PTPRT: variants seen among roughly 807,000 people sequenced by gnomAD.
The protein encoded by PTPRT is receptor-type tyrosine-protein phosphatase T.
A neutral mutation model predicts 176.8 loss-of-function variants in PTPRT; 56 were observed. The observed-to-expected ratio is 0.32, with a 90% CI of 0.26 to 0.40. PTPRT has a LOEUF of 0.40. Among genes scored for constraint, PTPRT ranks in the 10% least tolerant of loss-of-function variants. The probability of loss-of-function intolerance (pLI) is 1.00; values close to 1 mark genes in which losing one functional copy is unlikely to be tolerated. For synonymous variants in PTPRT, 783 were observed against 739.0 expected (o/e 1.06, Z -0.96); for missense variants, 1,540 against 1,908.2 (o/e 0.81, Z 3.60).
intron 16 of PTPRT, among the ~76,000 whole-genome samples, chr20:42,179,920 A>C (rs780902451): frequency 9.2e-5 from 14 of 152,226 alleles, no homozygotes; most frequent in Non-Finnish European, 1.9e-4. Context: ...GCAATGGGCA[A>C]GAAGATGCAG....
At chr20:42,387,951 C>G (rs569656942) in intron 9 of PTPRT, among the ~76,000 whole-genome samples, 4 of 152,158 alleles carry the variant, frequency 2.6e-5, no homozygotes, top group Non-Finnish European at 1.5e-5. Context: ...ACCACTAAGT[C>G]CAGCTATTTT....
intron 7 of PTPRT, among the ~76,000 whole-genome samples, chr20:42,555,376 G>A (rs956371629): frequency 6.6e-6 from 1 of 152,140 alleles, no homozygotes; most frequent in African/African-American, 2.4e-5. Context: ...GGGCGGCCAG[G>A]TGCAGATAGA....
intron 2 of PTPRT, among the ~76,000 whole-genome samples, chr20:42,838,862 G>A (rs1362052511): frequency 6.6e-6 from 1 of 152,136 alleles, no homozygotes; most frequent in African/African-American, 2.4e-5. Context: ...TCCTTCCTAG[G>A]GGAACCTCTG....
At chr20:42,394,394 G>A (rs1414655561) in intron 9 of PTPRT, among the ~76,000 whole-genome samples, 1 of 152,136 alleles carries the variant, frequency 6.6e-6, no homozygotes, top group South Asian at 2.1e-4. Flanking sequence ...AATTTACATT[G>A]TGCATCTGGG....
chr20:42,142,504 T>A (rs1178557859), intron 17 of PTPRT, among the ~76,000 whole-genome samples: 3 of 152,202 alleles, frequency 2.0e-5, no homozygotes, highest in South Asian at 2.1e-4. Context: ...TTATTTCAGA[T>A]TATACACTCT....
chr20:42,163,476 T>C (rs990568485), intron 16 of PTPRT, among the ~76,000 whole-genome samples: 7 of 152,250 alleles, frequency 4.6e-5, no homozygotes, highest in African/African-American at 1.4e-4. Flanking sequence ...ATTGCTTAAA[T>C]GTACCACTTG....
intron 1 of PTPRT, among the ~76,000 whole-genome samples, chr20:43,151,788 G>A (rs929456482): frequency 7.2e-5 from 11 of 152,052 alleles, no homozygotes; most frequent in South Asian, 4.2e-4. Context: ...ACTTGAACCC[G>A]GGAGGCAGAG....
At chr20:42,173,084 T>C (rs1299752589) in intron 16 of PTPRT, among the ~76,000 whole-genome samples, 1 of 152,196 alleles carries the variant, frequency 6.6e-6, no homozygotes, top group Non-Finnish European at 1.5e-5. Flanking sequence ...CTTGCTCTTG[T>C]GATCTACAAG....
chr20:42,275,133 A>G (rs2057007754), intron 13 of PTPRT, among the ~76,000 whole-genome samples: 1 of 152,230 alleles, frequency 6.6e-6, no homozygotes, highest in African/African-American at 2.4e-5. Flanking sequence ...CTGTCATCAC[A>G]CTGAAACCTT....
chr20:42,527,021 T>A (rs1166803770), intron 7 of PTPRT, among the ~76,000 whole-genome samples: 1 of 141,928 alleles, frequency 7.0e-6, no homozygotes, highest in Non-Finnish European at 1.5e-5. Flanking sequence ...TGGAGTGCAG[T>A]GGCACGATCT....
intron 9 of PTPRT, among the ~76,000 whole-genome samples, chr20:42,353,337 G>T (rs1255077961): frequency 6.6e-6 from 1 of 152,192 alleles, no homozygotes; most frequent in Non-Finnish European, 1.5e-5. Flanking sequence ...ATCCTTGGGG[G>T]CATCAGGATA....
intron 9 of PTPRT, among the ~76,000 whole-genome samples, chr20:42,448,011 A>T (rs1445116171): frequency 6.6e-6 from 1 of 152,108 alleles, no homozygotes; most frequent in Non-Finnish European, 1.5e-5. Context: ...TCAATGCATG[A>T]TGTGTACAAA....
intron 9 of PTPRT, among the ~76,000 whole-genome samples, chr20:42,391,552 G>A (rs765691399): frequency 1.3e-5 from 2 of 152,132 alleles, no homozygotes; most frequent in Non-Finnish European, 2.9e-5. Flanking sequence ...CAACCTGGAG[G>A]GACCAAAGAC....
At chr20:43,017,770 G>A (rs2146168698) in intron 1 of PTPRT, among the ~76,000 whole-genome samples, 1 of 152,334 alleles carries the variant, frequency 6.6e-6, no homozygotes, top group East Asian at 1.9e-4. Context: ...AGCAATAGAT[G>A]CCCTGTGTCC....
intron 6 of PTPRT, among the ~76,000 whole-genome samples, chr20:42,736,397 A>C (rs1302170775): frequency 2.0e-5 from 3 of 152,218 alleles, no homozygotes; most frequent in African/African-American, 7.2e-5. Context: ...CTTTGCAAAG[A>C]AGCAGCAAGT....
chr20:43,183,646 A>G (rs1395121215), intron 1 of PTPRT, among the ~76,000 whole-genome samples: 1 of 152,212 alleles, frequency 6.6e-6, no homozygotes, highest in East Asian at 1.9e-4. Context: ...GAGGTTTGCA[A>G]ACATCTCTTG....
intron 27 of PTPRT, among the ~76,000 whole-genome samples, chr20:42,088,671 C>T (rs1984281471): frequency 6.6e-6 from 1 of 152,242 alleles, no homozygotes; most frequent in Non-Finnish European, 1.5e-5. Context: ...TACACTTATT[C>T]ATTTATGTAT....
intron 7 of PTPRT, among the ~76,000 whole-genome samples, chr20:42,531,952 A>G (rs2072391896): frequency 6.6e-6 from 1 of 152,194 alleles, no homozygotes. Flanking sequence ...AGCTGGGAAG[A>G]TGAGCGTGCC....
At chr20:42,282,350 A>T in intron 13 of PTPRT, 139 bp downstream of exon 13, 1 of 813,314 alleles carries the variant, frequency 1.2e-6, no homozygotes, top group Non-Finnish European at 2.0e-6. Flanking sequence ...TGTATGTTCT[A>T]GATGCAAATG....
Sources: allele counts gnomAD v4.1 joint callset (sites outside exome capture counted in the v4.1 genomes callset), GRCh38; gene constraint gnomAD v4.1.1; transcripts MANE v1.5; gene names NCBI Gene and HGNC (gene_info 2026-07-23, HGNC 2026-07-21).